The following PRKCE variants were observed in gnomAD, a reference collection of about 807,000 sequenced individuals.
The protein encoded by PRKCE is protein kinase C epsilon type.
Under a neutral mutation model 85.4 loss-of-function variants are expected in PRKCE, and 16 were observed. That is an observed-to-expected ratio of 0.19 (90% CI 0.13 to 0.28). The LOEUF is 0.28. Ranked by LOEUF, PRKCE falls within the 10% of genes least tolerant of loss-of-function variation. The pLI is 1.00. For missense variants in PRKCE, 573 were observed against 975.2 expected, an observed-to-expected ratio of 0.59 and a Z score of 5.49; for synonymous variants, 388 against 371.5, an observed-to-expected ratio of 1.04 and a Z score of -0.51.
chr2:46,020,177 G>T (rs2104867784), intron 10 of PRKCE, among the ~76,000 whole-genome samples: 1 of 152,144 alleles, frequency 6.6e-6, no homozygotes, highest in East Asian at 1.9e-4. Context: ...ATTACATTTT[G>T]TGGAGGTGCC....
At chr2:45,861,960 A>G (rs1283042757) in intron 2 of PRKCE, among the ~76,000 whole-genome samples, 1 of 152,214 alleles carries the variant, frequency 6.6e-6, no homozygotes, top group Non-Finnish European at 1.5e-5. Context: ...CATTTGTGTG[A>G]AAATGAGGAA....
At chr2:45,728,077 G>A (rs187174609) in intron 1 of PRKCE, among the ~76,000 whole-genome samples, 6 of 152,272 alleles carry the variant, frequency 3.9e-5, no homozygotes, top group Admixed American at 2.0e-4. Context: ...CTGTTTAAGC[G>A]TATCTTTTCT....
chr2:45,657,809 G>A (rs534777739), intron 1 of PRKCE, among the ~76,000 whole-genome samples: 51 of 152,236 alleles, frequency 3.4e-4, no homozygotes, highest in South Asian at 6.2e-4. Context: ...TACATCATTC[G>A]GAGAGGTTAG....
intron 1 of PRKCE, among the ~76,000 whole-genome samples, chr2:45,743,992 GT>G (rs1445070966): frequency 0.1 from 7,282 of 70,348 alleles, 546 homozygotes; most frequent in African/African-American, 0.22. Context: ...TGGCCGTTGT[GT>G]GTTTTTTTTT....
At chr2:45,701,364 C>G (rs1260006371) in intron 1 of PRKCE, 1 of 151,984 alleles carries the variant, frequency 6.6e-6, no homozygotes, top group Non-Finnish European at 1.5e-5. Flanking sequence ...ACCTATCTAT[C>G]TGTCTATCAA....
At chr2:46,039,598 TA>T (rs998223875) in intron 10 of PRKCE, among the ~76,000 whole-genome samples, 10 of 150,256 alleles carry the variant, frequency 6.7e-5, no homozygotes, top group African/African-American at 2.2e-4. Flanking sequence ...TTCATGTTAT[TA>T]AAAAAAAAAT....
intron 1 of PRKCE, among the ~76,000 whole-genome samples, chr2:45,759,237 G>T (rs1197113791): frequency 2.0e-5 from 3 of 152,174 alleles, no homozygotes; most frequent in Non-Finnish European, 4.4e-5. Context: ...ACAAATAAGT[G>T]GTATGTGGGC....
At chr2:46,015,093 C>T (rs1217178997) in intron 10 of PRKCE, among the ~76,000 whole-genome samples, 1 of 152,136 alleles carries the variant, frequency 6.6e-6, no homozygotes, top group African/African-American at 2.4e-5. Flanking sequence ...TATTGGACTG[C>T]TAGGCTCTAA....
At chr2:45,980,196 C>A (rs1375851425) in intron 4 of PRKCE, 100 bp from the exon 5 acceptor site, 3 of 1,088,544 alleles carry the variant, frequency 2.8e-6, no homozygotes, top group Admixed American at 2.0e-5. Flanking sequence ...GCAGAAGGGG[C>A]CTGGCTCCCC....
chr2:45,871,413 G>T (rs186384613), intron 2 of PRKCE, among the ~76,000 whole-genome samples: 2 of 152,366 alleles, frequency 1.3e-5, no homozygotes, highest in South Asian at 2.1e-4. Context: ...GGAACCTGTG[G>T]TTAGATAATC....
chr2:45,817,035 AG>A (rs1411418625), intron 1 of PRKCE, among the ~76,000 whole-genome samples: 1 of 151,722 alleles, frequency 6.6e-6, no homozygotes, highest in African/African-American at 2.4e-5. Context: ...CGTTGTGTAA[AG>A]AAATGACTCA....
chr2:45,942,285 G>C (rs1198401654), intron 2 of PRKCE, among the ~76,000 whole-genome samples: 1 of 152,150 alleles, frequency 6.6e-6, no homozygotes, highest in East Asian at 1.9e-4. Context: ...CAAAGACAAT[G>C]CTTATCTGGG....
intron 2 of PRKCE, among the ~76,000 whole-genome samples, chr2:45,885,817 T>G (rs1356674246): frequency 6.6e-6 from 1 of 152,246 alleles, no homozygotes; most frequent in Non-Finnish European, 1.5e-5. Context: ...TGCTTTGATT[T>G]TTGTTATTTT....
At chr2:45,913,383 C>G (rs777819586) in intron 2 of PRKCE, among the ~76,000 whole-genome samples, 7 of 152,210 alleles carry the variant, frequency 4.6e-5, no homozygotes, top group Non-Finnish European at 1.0e-4. Context: ...CTCCTGGGCT[C>G]AAGCGATCCA....
At chr2:45,981,627 G>A (rs563626448) in intron 5 of PRKCE, among the ~76,000 whole-genome samples, 16 of 152,314 alleles carry the variant, frequency 1.1e-4, no homozygotes, top group African/African-American at 2.6e-4. Flanking sequence ...TGCACCTCCC[G>A]ACTCCTGGTC....
At chr2:46,029,200 G>T (rs183659194) in intron 10 of PRKCE, among the ~76,000 whole-genome samples, 1 of 152,240 alleles carries the variant, frequency 6.6e-6, no homozygotes, top group Non-Finnish European at 1.5e-5. Context: ...GTCCTGAGAG[G>T]TGGATATCCT....
intron 11 of PRKCE, among the ~76,000 whole-genome samples, chr2:46,095,737 C>A (rs1176033454): frequency 2.0e-5 from 3 of 152,184 alleles, no homozygotes; most frequent in African/African-American, 7.2e-5. Context: ...GTGTTGCATT[C>A]TTTTCTTACT....
intron 6 of PRKCE, among the ~76,000 whole-genome samples, chr2:45,987,360 C>A (rs754661047): frequency 3.3e-5 from 5 of 152,110 alleles, no homozygotes; most frequent in Non-Finnish European, 7.4e-5. Flanking sequence ...ACCTGAAGCT[C>A]CCCAGCCAAA....
At chr2:45,794,501 C>T (rs970829106) in intron 1 of PRKCE, among the ~76,000 whole-genome samples, 2 of 152,132 alleles carry the variant, frequency 1.3e-5, no homozygotes, top group African/African-American at 4.8e-5. Context: ...CGTTCTCATT[C>T]CTGCGGTATT....
Sources: allele counts gnomAD v4.1 joint callset (sites outside exome capture counted in the v4.1 genomes callset), GRCh38; gene constraint gnomAD v4.1.1; transcripts MANE v1.5; gene names NCBI Gene and HGNC (gene_info 2026-07-23, HGNC 2026-07-21).